Variants in KCNMA1 observed in about 807,000 individuals in gnomAD.
KCNMA1 encodes potassium calcium-activated channel subfamily M alpha 1, also known as Calcium-activated potassium channel subunit alpha-1.
A neutral mutation model predicts 140.0 loss-of-function variants in KCNMA1; 29 were observed. The ratio of observed to expected loss-of-function variants is 0.21; its 90% CI spans 0.15 to 0.28. KCNMA1 has a LOEUF of 0.28. KCNMA1 is among the 10% of genes least tolerant of loss of function. KCNMA1 has a pLI of 1.00. For synonymous variants in KCNMA1, 612 were observed against 611.9 expected, an observed-to-expected ratio of 1.00 and a Z score of 0.00; for missense variants, 880 against 1,602.2, an observed-to-expected ratio of 0.55 and a Z score of 7.70.
chr10:77,598,821 A>G (rs1196630428), intron 1 of KCNMA1, among the ~76,000 whole-genome samples: 1 of 152,228 alleles, frequency 6.6e-6, no homozygotes, highest in Non-Finnish European at 1.5e-5. Context: ...AAGACACTAC[A>G]GAGTAGATGC....
At chr10:77,626,097 A>G (rs1044281408) in intron 1 of KCNMA1, among the ~76,000 whole-genome samples, 3 of 151,988 alleles carry the variant, frequency 2.0e-5, no homozygotes, top group African/African-American at 7.3e-5. Context: ...TGCACGGCCT[A>G]CGTTTTCTAC....
chr10:77,197,182 T>C (rs2040784217), intron 3 of KCNMA1, among the ~76,000 whole-genome samples: 1 of 152,236 alleles, frequency 6.6e-6, no homozygotes, highest in Admixed American at 6.5e-5. Flanking sequence ...TACTAAACAC[T>C]ATGAAAACGA....
At position 76,887,207 on chromosome 10, in the gene KCNMA1, C is replaced by T. The variant is rs555067413; in HGVS notation, c.*59G>A. ...ACAGGGAAAGTTACTTTGTTGGAAA[C>T]ACCAACTGGGGAAATGAGTGGCAGA... On this transcript the variant is annotated 3_prime_UTR_variant, in exon 28 of 28. Coordinates refer to ENST00000286628, the MANE Select transcript of KCNMA1 (RefSeq NM_001161352.2). 3 of 1,613,520 alleles carry T rather than the reference C, an allele frequency of 1.9e-6. No homozygotes were observed. The highest frequency in any genetic ancestry group is 1.7e-5 in the Admixed American group (1 of 60,026).
intron 2 of KCNMA1, among the ~76,000 whole-genome samples, chr10:77,276,981 G>A (rs1380466769): frequency 1.3e-5 from 2 of 152,110 alleles, no homozygotes; most frequent in Non-Finnish European, 2.9e-5. Flanking sequence ...TTCTCCCAAT[G>A]TCCTGTAGCC....
chr10:77,435,896 G>T (rs1047472819), intron 1 of KCNMA1, among the ~76,000 whole-genome samples: 1 of 152,176 alleles, frequency 6.6e-6, no homozygotes, highest in Admixed American at 6.5e-5. Context: ...GAGCTCAGAG[G>T]TCTTCATTTT....
At chr10:76,880,472 T>C (rs1398898089), downstream of KCNMA1, among the ~76,000 whole-genome samples, 3 of 151,996 alleles carry the variant, frequency 2.0e-5, no homozygotes, top group Non-Finnish European at 4.4e-5. Context: ...TAAATGTGTG[T>C]GTTTTTGGAG....
At chr10:77,157,048 T>C (rs1195541021) in intron 5 of KCNMA1, among the ~76,000 whole-genome samples, 1 of 152,198 alleles carries the variant, frequency 6.6e-6, no homozygotes, top group Non-Finnish European at 1.5e-5. Flanking sequence ...TTTACAGCAA[T>C]ACTGCCATCT....
rs147989448 is a variant in KCNMA1, at chr10:77,028,505, G to A, written c.1860-614C>T. On this transcript the variant is annotated intron_variant, in intron 15 of 27. Transcript: ENST00000286628. ...CCTGTTTCCATCCCTTCCCTTGTGC[G>A]TTCCCCACTCTCGATCCCTTCTTCT... is the stretch of plus-strand genomic sequence containing the variant. 3.9e-5 allele frequency among the ~76,000 whole-genome samples: 6 copies of A among 151,974 alleles called. No homozygotes were observed. In the South Asian group the frequency reaches 1.0e-3, roughly 26 times the overall value.
At position 77,019,333 on chromosome 10, in the gene KCNMA1, T is replaced by C. The variant is rs2092560258; in HGVS notation, c.1929-234A>G. 12 of 532,976 alleles carry C rather than the reference T, an allele frequency of 2.3e-5. No individual in the cohort carries two copies. The South Asian group carries it at 2.5e-4, about 11-fold the overall frequency. 33.0% of individuals were successfully genotyped at this position (532,976 alleles called of 1,614,324 possible). ...GCTGGCATGCTCCCAGTTGAGGAAA[T>C]CAAAGCAAATCAAGGTATTAGGGCC... On this transcript the variant is annotated intron_variant, in intron 16 of 27. Transcript: ENST00000286628.
At chr10:77,499,338 C>CA (rs1341304952) in intron 1 of KCNMA1, among the ~76,000 whole-genome samples, 13 of 148,390 alleles carry the variant, frequency 8.8e-5, no homozygotes, top group Admixed American at 6.1e-4. Context: ...AAGACGAAAA[C>CA]AAAAAAAAGT....
chr10:77,092,949 T>G (rs2096849069), intron 9 of KCNMA1, among the ~76,000 whole-genome samples: 1 of 152,222 alleles, frequency 6.6e-6, no homozygotes, highest in African/African-American at 2.4e-5. Context: ...GGCTGATTTA[T>G]TCAGCCTTAG....
chr10:76,907,241 C>T (rs571682110), intron 25 of KCNMA1, among the ~76,000 whole-genome samples: 5 of 152,312 alleles, frequency 3.3e-5, no homozygotes, highest in Non-Finnish European at 5.9e-5. Context: ...TTTTTGTGTG[C>T]ATTTCAAAGG....
Position 77,556,502 on chromosome 10 carries a change from C to CAAAAAAAAA in KCNMA1, c.378+80754_378+80762dup, listed in dbSNP as rs11446237. On this transcript the variant is annotated intron_variant, in intron 1 of 27. Coordinates refer to ENST00000286628, the MANE Select transcript of KCNMA1 (RefSeq NM_001161352.2). ...CCTGGACAACAGAGTGGGACTATCT[C>CAAAAAAAAA]AAAAAAAAAAAAAAAAAAAAAAAAG... Among the ~76,000 whole-genome samples, 93 of 68,898 alleles carry CAAAAAAAAA rather than the reference C, an allele frequency of 1.3e-3. 2 individuals are homozygous for CAAAAAAAAA. Among genetic ancestry groups the CAAAAAAAAA allele is most frequent in the Non-Finnish European group, 2.1e-3 (85 of 41,084 alleles). 45.2% of individuals were successfully genotyped at this position (68,898 alleles called of 152,430 possible).
chr10:76,922,568 T>C lies in KCNMA1; in HGVS notation c.2903-7519A>G, dbSNP rs552597932. ...CCTGTCCGTATTCTCCCCAGGACAT[T>C]ATGTAAAAGATGGTAAAGGTTCTGT... is the stretch of plus-strand genomic sequence containing the variant. On this transcript the variant is annotated intron_variant, in intron 23 of 27. Coordinates refer to ENST00000286628, the MANE Select transcript of KCNMA1 (RefSeq NM_001161352.2). Among the ~76,000 whole-genome samples, 57 of 152,196 alleles carry C rather than the reference T, an allele frequency of 3.7e-4. 2 individuals carry two copies. The South Asian group carries it at 0.011, about 28-fold the overall frequency.
At chr10:77,520,214 G>C (rs1222804869) in intron 1 of KCNMA1, among the ~76,000 whole-genome samples, 13 of 150,662 alleles carry the variant, frequency 8.6e-5, no homozygotes, top group East Asian at 2.0e-4. Context: ...TGTGAGGTCT[G>C]GGGTATGCAG....
chr10:77,051,070 T>C (rs1345168494), intron 14 of KCNMA1, among the ~76,000 whole-genome samples: 2 of 152,046 alleles, frequency 1.3e-5, no homozygotes, highest in Admixed American at 6.5e-5. Flanking sequence ...CATGACTATA[T>C]TGAATTCAAT....
intron 1 of KCNMA1, among the ~76,000 whole-genome samples, chr10:77,585,324 TTC>T (rs1188133026): frequency 1.3e-5 from 2 of 152,204 alleles, no homozygotes; most frequent in African/African-American, 4.8e-5. Context: ...CTGTTTCCTC[TTC>T]TCTCATATGA....
At chr10:77,630,860 C>T (rs991845703) in intron 1 of KCNMA1, among the ~76,000 whole-genome samples, 1 of 151,914 alleles carries the variant, frequency 6.6e-6, no homozygotes, top group African/African-American at 2.4e-5. Context: ...TGTGGGAGCA[C>T]TTTGGGAGAC....
At chr10:77,451,034 G>T (rs945312330) in intron 1 of KCNMA1, among the ~76,000 whole-genome samples, 2 of 152,144 alleles carry the variant, frequency 1.3e-5, no homozygotes, top group African/African-American at 4.8e-5. Flanking sequence ...TGCCATGATT[G>T]TGAGGCTTCC....
Sources: gnomAD v4.1 joint callset for allele counts (sites outside exome capture counted in the v4.1 genomes callset) on GRCh38, gnomAD v4.1.1 for gene constraint, MANE v1.5 for transcripts, NCBI Gene and HGNC (gene_info 2026-07-23, HGNC 2026-07-21) for gene names.